The following RIMS2 variants were observed in gnomAD, a reference collection of about 807,000 sequenced individuals.
RIMS2 encodes regulating synaptic membrane exocytosis 2, also known as regulating synaptic membrane exocytosis protein 2.
RIMS2 carries 59 observed loss-of-function variants against 174.4 expected under a neutral mutation model. That is an observed-to-expected ratio of 0.34 (90% confidence interval 0.27 to 0.42). The LOEUF (loss-of-function observed/expected upper bound fraction) is 0.42. RIMS2 is among the 10% of genes least tolerant of loss of function. The pLI is 1.00. For synonymous variants in RIMS2, 606 were observed against 572.5 expected (o/e 1.06, Z -0.84); for missense variants, 1,620 against 1,666.3 (o/e 0.97, Z 0.48).
chr8:103,559,666 G>A (rs774955420), intron 1 of RIMS2, among the ~76,000 whole-genome samples: 2 of 152,144 alleles, frequency 1.3e-5, no homozygotes, highest in African/African-American at 2.4e-5. Flanking sequence ...AGCACACTGA[G>A]GACATTCAAT....
chr8:103,573,103 A>G (rs1388682121), intron 1 of RIMS2, among the ~76,000 whole-genome samples: 1 of 151,854 alleles, frequency 6.6e-6, no homozygotes, highest in Admixed American at 6.6e-5. Context: ...TCTGTTGTCC[A>G]GGCTGGATGT....
chr8:103,740,612 G>A (rs534092381), intron 2 of RIMS2, among the ~76,000 whole-genome samples: 3 of 152,084 alleles, frequency 2.0e-5, no homozygotes, highest in African/African-American at 4.8e-5. Context: ...CTTTGAATCC[G>A]TAATTTAATT....
chr8:103,609,866 A>T (rs185100723), intron 1 of RIMS2, among the ~76,000 whole-genome samples: 2 of 152,322 alleles, frequency 1.3e-5, no homozygotes, highest in East Asian at 1.9e-4. Context: ...AATTCTGTGA[A>T]GTATGTCATT....
chr8:104,207,341 T>C (rs1420546722), intron 19 of RIMS2, among the ~76,000 whole-genome samples: 1 of 152,186 alleles, frequency 6.6e-6, no homozygotes, highest in East Asian at 1.9e-4. Context: ...TTTTAAAAAA[T>C]TTAAATCCAG....
At chr8:103,914,233 G>T (rs928913766) in intron 6 of RIMS2, among the ~76,000 whole-genome samples, 3 of 152,106 alleles carry the variant, frequency 2.0e-5, no homozygotes, top group African/African-American at 7.2e-5. Flanking sequence ...GAGACCCTTT[G>T]TCTTAAAAAC....
At chr8:103,595,477 C>A (rs755296985) in intron 1 of RIMS2, among the ~76,000 whole-genome samples, 2 of 151,812 alleles carry the variant, frequency 1.3e-5, no homozygotes, top group South Asian at 4.2e-4. Flanking sequence ...GCCCTGATAT[C>A]TGAACTTGGC....
At chr8:103,569,882 C>T (rs532103162) in intron 1 of RIMS2, among the ~76,000 whole-genome samples, 31 of 152,040 alleles carry the variant, frequency 2.0e-4, no homozygotes, top group Admixed American at 1.3e-3. Flanking sequence ...GTCCTACTGC[C>T]TCAGCTTCCC....
At chr8:103,895,336 C>T (rs1220375603) in intron 4 of RIMS2, among the ~76,000 whole-genome samples, 8 of 151,464 alleles carry the variant, frequency 5.3e-5, no homozygotes, top group African/African-American at 1.7e-4. Flanking sequence ...TTATTTTTTA[C>T]GGTTCTGGAG....
In RIMS2 at chr8:103,525,098, A is replaced by G. The variant is rs563655006; in HGVS notation, c.176+24036A>G. On this transcript the variant is annotated intron_variant, in intron 1 of 23. Coordinates refer to ENST00000504942, the Ensembl canonical transcript of RIMS2. ...GCCAATATAAAGCCAGCACAGGAAGAAGTTACAAAATATTGATTCTTTAAT... is the reference window on the plus strand; with the variant it reads ...GCCAATATAAAGCCAGCACAGGAAGGAGTTACAAAATATTGATTCTTTAAT... Among the ~76,000 whole-genome samples the G allele has an allele frequency of 2.6e-5, 4 of 152,348 alleles. No individual in the cohort carries two copies. In the East Asian group the frequency reaches 7.7e-4, roughly 29 times the overall value.
Position 104,029,912 on chromosome 8 carries a change from A to G in RIMS2, c.3334+15297A>G, listed in dbSNP as rs190905179. Among the ~76,000 whole-genome samples, 22 of 152,318 alleles carry G rather than the reference A, an allele frequency of 1.4e-4. 1 individual carries two copies. Among genetic ancestry groups the G allele is most frequent in the Admixed American group, 1.2e-3 (19 of 15,294 alleles). ...TAATTCAGAATCAACAAATACTTTA[A>G]TATTAATGAGATTATTTTTCCCAAC... On this transcript the variant is annotated intron_variant, in intron 19 of 23. Coordinates refer to ENST00000504942, the Ensembl canonical transcript of RIMS2.
intron 3 of RIMS2, among the ~76,000 whole-genome samples, chr8:103,816,844 C>A (rs1176198382): frequency 6.6e-6 from 1 of 152,158 alleles, no homozygotes; most frequent in East Asian, 1.9e-4. Context: ...ATTACTTAGA[C>A]CACTTCGATG....
Position 104,044,796 on chromosome 8 carries a change from T to C in RIMS2, c.3334+30181T>C, listed in dbSNP as rs148603405. Among the ~76,000 whole-genome samples the C allele has an allele frequency of 2.2e-3, 334 of 151,850 alleles. 2 individuals are homozygous for C. The highest frequency in any genetic ancestry group is 0.015 in the Admixed American group (234 of 15,208). On this transcript the variant is annotated intron_variant, in intron 19 of 23. Coordinates refer to ENST00000504942, the Ensembl canonical transcript of RIMS2. ...AATACTGTAAGGGAGACATGGTCTA[T>C]GTTAACCAGCATTGTGTTTTGGATT...
rs139683395 is a variant in RIMS2 at position 103,873,016 on chromosome 8, G to A, written c.699-12282G>A. On this transcript the variant is annotated intron_variant, in intron 3 of 23. Transcript: ENST00000504942. The stretch of plus-strand genomic sequence containing the variant: ...GCTATCTTGTCAACTTTCAGTTTAA[G>A]AGGTGTTATTTGAACTCTAAATCAT... Among the ~76,000 whole-genome samples the A allele has an allele frequency of 7.2e-3, 1,104 of 152,282 alleles. 6 individuals carry two copies. Among genetic ancestry groups the A allele is most frequent in the Non-Finnish European group, 9.8e-3 (666 of 68,032 alleles).
chr8:103,890,845 C>T (rs367586855), intron 4 of RIMS2, among the ~76,000 whole-genome samples: 14 of 101,580 alleles, frequency 1.4e-4, no homozygotes, highest in Non-Finnish European at 1.0e-4. Context: ...GTAATTTGAT[C>T]TATTATTTTC....
intron 1 of RIMS2, among the ~76,000 whole-genome samples, chr8:103,618,407 C>T (rs903539269): frequency 2.0e-5 from 3 of 152,038 alleles, no homozygotes; most frequent in Non-Finnish European, 2.9e-5. Context: ...GAACACAGTA[C>T]AGCATATCAT....
intron 1 of RIMS2, among the ~76,000 whole-genome samples, chr8:103,614,031 C>T (rs1317044432): frequency 6.6e-6 from 1 of 152,216 alleles, no homozygotes. Context: ...CTACTTTAAC[C>T]ACCCCGGCTG....
chr8:103,967,189 T>TTTTTTTTTTTTTTTTTTTTTTTTTTTC, intron 15 of RIMS2, among the ~76,000 whole-genome samples: 1 of 133,280 alleles, frequency 7.5e-6, no homozygotes, highest in African/African-American at 3.0e-5. Flanking sequence ...TTTTTTTTTT[T>TTTTTTTTTTTTTTTTTTTTTTTTTTTC]TTTTTTTTTT....
At chr8:103,636,797 C>CA (rs1422173899) in intron 1 of RIMS2, among the ~76,000 whole-genome samples, 2 of 61,652 alleles carry the variant, frequency 3.2e-5, no homozygotes, top group Non-Finnish European at 8.0e-5. Flanking sequence ...CACCCCCCCC[C>CA]CCCCACACAC....
intron 19 of RIMS2, among the ~76,000 whole-genome samples, chr8:104,027,814 T>A (rs1273379319): frequency 6.6e-6 from 1 of 152,234 alleles, no homozygotes; most frequent in East Asian, 1.9e-4. Flanking sequence ...TTTTCTCACC[T>A]GTATAAACCA....
Sources: allele counts gnomAD v4.1 joint callset (sites outside exome capture counted in the v4.1 genomes callset), GRCh38; gene constraint gnomAD v4.1.1; transcripts MANE v1.5; gene names NCBI Gene and HGNC (gene_info 2026-07-23, HGNC 2026-07-21).